Variants in RARB observed in about 807,000 individuals in gnomAD.
RARB encodes the protein HBV-activated protein.
A neutral mutation model predicts 51.9 loss-of-function variants in RARB; 17 were observed. The ratio of observed to expected loss-of-function variants is 0.33; its 90% confidence interval spans 0.22 to 0.49. RARB has a LOEUF of 0.49. Among genes scored for constraint, RARB ranks in the 20% least tolerant of loss-of-function variants. The pLI is 0.99. For missense variants in RARB, 369 were observed against 550.8 expected, an observed-to-expected ratio of 0.67 and a Z score of 3.30; for synonymous variants, 215 against 195.4, an observed-to-expected ratio of 1.10 and a Z score of -0.84.
At chr3:25,343,357 A>G (rs189855105) in intron 5 of RARB, among the ~76,000 whole-genome samples, 1 of 152,214 alleles carries the variant, frequency 6.6e-6, no homozygotes, top group Non-Finnish European at 1.5e-5. Context: ...AAACACTTAC[A>G]GTTTTCTCCC....
rs1350054516 is a variant in RARB, at chr3:25,421,410, T to C, written c.179-39783T>C. ...AACATTTTTTCTTCTTTTCTTTTTT[T>C]TTTTTTTTTTTTTTTTTTTTTGAGA... is the stretch of plus-strand genomic sequence containing the variant. On this transcript the variant is annotated intron_variant, in intron 5 of 11. Transcript: ENST00000383772. 8.2e-5 allele frequency among the ~76,000 whole-genome samples: 11 copies of C among 133,754 alleles called. 1 individual carries two copies. The highest frequency in any genetic ancestry group is 2.7e-4 in the African/African-American group (9 of 33,916). 87.7% of individuals were successfully genotyped at this position (133,754 alleles called of 152,430 possible).
At chr3:25,581,465 T>C (rs1042994193) in intron 5 of RARB, among the ~76,000 whole-genome samples, 4 of 152,188 alleles carry the variant, frequency 2.6e-5, no homozygotes, top group South Asian at 2.1e-4. Flanking sequence ...TTCCAGCCTG[T>C]GGAAGACAAA....
At chr3:25,313,455 C>G (rs1704340331) in intron 5 of RARB, among the ~76,000 whole-genome samples, 1 of 152,170 alleles carries the variant, frequency 6.6e-6, no homozygotes, top group South Asian at 2.1e-4. Flanking sequence ...CTAGGCTTCC[C>G]CAACTCCCTG....
chr3:25,016,197 T>C (rs1356652101), intron 2 of RARB, among the ~76,000 whole-genome samples: 1 of 152,214 alleles, frequency 6.6e-6, no homozygotes, highest in Non-Finnish European at 1.5e-5. Flanking sequence ...GAGCACACTG[T>C]ACTTATAAAT....
In RARB at chr3:25,428,323, G is replaced by A. The variant is rs1414494217; in HGVS notation, c.-409G>A. 1.6e-6 allele frequency: 2 copies of A among 1,245,804 alleles called. No homozygotes were observed. The highest frequency in any genetic ancestry group is 2.0e-6 in the Non-Finnish European group (2 of 995,842). 77.2% of individuals were successfully genotyped at this position (1,245,804 alleles called of 1,614,324 possible). A position where few individuals can be genotyped will look rare whatever the true frequency, so the allele number is the denominator to read the frequency against. On this transcript the variant is annotated 5_prime_UTR_variant, in exon 1 of 8. Coordinates refer to ENST00000330688, the MANE Select transcript of RARB (RefSeq NM_000965.5). Reference sequence around the variant, plus strand: ...CAGGAGGGTCTATTCTTTGCCAAAGGGGGGACCAGAATTCCCCCATGCGAG... The same window carrying A: ...CAGGAGGGTCTATTCTTTGCCAAAGAGGGGACCAGAATTCCCCCATGCGAG...
At chr3:25,467,459 C>T (rs1029127374) in intron 2 of RARB, among the ~76,000 whole-genome samples, 2 of 152,226 alleles carry the variant, frequency 1.3e-5, no homozygotes, top group African/African-American at 4.8e-5. Context: ...TAGGCTTCTT[C>T]ACGTGGTGGA....
chr3:25,552,155 A>T (rs1381893358), intron 3 of RARB, among the ~76,000 whole-genome samples: 1 of 152,056 alleles, frequency 6.6e-6, no homozygotes, highest in African/African-American at 2.4e-5. Context: ...TGGTAGCAAA[A>T]ACAGACTGTG....
chr3:25,078,258 CTT>C (rs1698915312), intron 3 of RARB, among the ~76,000 whole-genome samples: 3 of 152,004 alleles, frequency 2.0e-5, no homozygotes, highest in Non-Finnish European at 4.4e-5. Context: ...AAGATTTTAT[CTT>C]TTTATCTCGG....
chr3:25,263,878 C>T (rs1013550103), intron 5 of RARB, among the ~76,000 whole-genome samples: 1 of 152,144 alleles, frequency 6.6e-6, no homozygotes, highest in African/African-American at 2.4e-5. Context: ...TCTGTGTCTT[C>T]TCAGCAGTTC....
chr3:25,253,524 G>A (rs1041874043), intron 5 of RARB, among the ~76,000 whole-genome samples: 1 of 152,060 alleles, frequency 6.6e-6, no homozygotes, highest in Non-Finnish European at 1.5e-5. Context: ...CACTAGGAGG[G>A]TCCCCAGACA....
intron 5 of RARB, among the ~76,000 whole-genome samples, chr3:25,213,760 A>G (rs541952165): frequency 1.3e-5 from 2 of 152,208 alleles, no homozygotes; most frequent in African/African-American, 4.8e-5. Flanking sequence ...GCTTTCATTC[A>G]CCAAAGATGT....
rs1707887259 is a variant in RARB, at chr3:25,422,473, T to A, written c.179-38720T>A. On this transcript the variant is annotated intron_variant, in intron 5 of 11. Transcript: ENST00000383772. ...GAGTCACCATTACATTTTCCATCTC[T>A]CAAATGTTGCCATCATATATGGGAC... Among the ~76,000 whole-genome samples, 3 of 152,162 alleles carry A rather than the reference T, an allele frequency of 2.0e-5. No homozygotes were observed. In the South Asian group the frequency reaches 6.2e-4, roughly 32 times the overall value.
intron 5 of RARB, among the ~76,000 whole-genome samples, chr3:25,190,384 T>G (rs542437278): frequency 2.0e-5 from 3 of 152,118 alleles, no homozygotes; most frequent in South Asian, 2.1e-4. Flanking sequence ...TGTACTGATA[T>G]GTGCAACTAT....
At chr3:25,228,669 T>C (rs1222489311) in intron 5 of RARB, among the ~76,000 whole-genome samples, 1 of 152,110 alleles carries the variant, frequency 6.6e-6, no homozygotes, top group Non-Finnish European at 1.5e-5. Context: ...GGAAATGCCA[T>C]GGTAACCATG....
At chr3:25,354,442 C>T (rs909523691) in intron 5 of RARB, among the ~76,000 whole-genome samples, 4 of 152,082 alleles carry the variant, frequency 2.6e-5, no homozygotes, top group African/African-American at 9.7e-5. Flanking sequence ...CTTATATCAA[C>T]ATCCTCTTGG....
intron 5 of RARB, among the ~76,000 whole-genome samples, chr3:25,364,985 G>A (rs1016786): frequency 0.43 from 64,563 of 151,732 alleles, 14,248 homozygotes; most frequent in East Asian, 0.75. Flanking sequence ...ATTACTATTA[G>A]TATCATTTGA....
In RARB at chr3:25,461,205, A is replaced by G; in HGVS notation, c.170A>G (p.Gln57Arg). Residue 57 changes from glutamine to arginine, a missense_variant, in exon 2 of 8, where the codon CAG (glutamine) becomes CGG (arginine). By Grantham distance (43) the Gln-to-Arg change is conservative. This residue lies in a region of RARB where 99 missense variants were observed against 95.1 expected (regional missense o/e 1.04). Transcript: ENST00000330688. ...HRHTAQSIET[Q>R]STSSEELVPS... ...ATCTCTATTATAGCAATTGAAACAC[A>G]GAGCACCAGCTCTGAGGAACTCGTC... 6.2e-7 allele frequency: 1 copy of G among 1,610,524 alleles called. No individual in the cohort carries two copies. The highest frequency in any genetic ancestry group is 8.5e-7 in the Non-Finnish European group (1 of 1,178,634).
At chr3:25,492,450 T>C (rs940736382) in intron 2 of RARB, among the ~76,000 whole-genome samples, 4 of 152,194 alleles carry the variant, frequency 2.6e-5, no homozygotes, top group Non-Finnish European at 5.9e-5. Context: ...TGGGACATCA[T>C]AGACTTTGGA....
At chr3:25,249,745 G>C (rs1451998856) in intron 5 of RARB, among the ~76,000 whole-genome samples, 2 of 139,338 alleles carry the variant, frequency 1.4e-5, no homozygotes, top group Non-Finnish European at 3.0e-5. Flanking sequence ...TCCTTTCTTA[G>C]TTACATAGGG....
Sources: gnomAD v4.1 joint callset for allele counts (sites outside exome capture counted in the v4.1 genomes callset) on GRCh38, gnomAD v4.1.1 for gene constraint, gnomAD v4.1.1 regional missense constraint, MANE v1.5 for transcripts, NCBI Gene and HGNC (gene_info 2026-07-23, HGNC 2026-07-21) for gene names.